The following SLIT3 variants were observed in gnomAD, a reference collection of about 807,000 sequenced individuals.
SLIT3 encodes slit homolog 3 protein.
SLIT3 carries 68 observed loss-of-function variants against 184.0 expected under a neutral mutation model. The observed-to-expected ratio is 0.37, with a 90% confidence interval of 0.30 to 0.45. SLIT3 has a LOEUF of 0.45. Among genes scored for constraint, SLIT3 ranks in the 20% least tolerant of loss-of-function variants. The probability of loss-of-function intolerance (pLI) is 1.00; values close to 1 mark genes in which losing one functional copy is unlikely to be tolerated. For synonymous variants in SLIT3, 831 were observed against 828.6 expected, an observed-to-expected ratio of 1.00 and a Z score of -0.05; for missense variants, 1,707 against 2,026.0, an observed-to-expected ratio of 0.84 and a Z score of 3.02.
At chr5:168,707,658 C>T (rs1314035070) in intron 26 of SLIT3, 1 of 251,050 alleles carries the variant, frequency 4.0e-6, no homozygotes, top group African/African-American at 2.2e-5. Flanking sequence ...TCAAGGGATG[C>T]CTCTACTTGG....
intron 4 of SLIT3, among the ~76,000 whole-genome samples, chr5:169,089,685 T>C (rs920634752): frequency 6.6e-6 from 1 of 152,170 alleles, no homozygotes; most frequent in Non-Finnish European, 1.5e-5. Flanking sequence ...CTTCTCCTCC[T>C]CAGGGAGCCC....
chr5:169,218,146 CTGTTTG>C (rs1764509171), intron 3 of SLIT3, among the ~76,000 whole-genome samples: 1 of 152,208 alleles, frequency 6.6e-6, no homozygotes, highest in South Asian at 2.1e-4. Context: ...CTACCAAGGA[CTGTTTG>C]TACCAGCTGC....
chr5:168,777,080 CA>C (rs1755780601), intron 12 of SLIT3, among the ~76,000 whole-genome samples: 2 of 48,088 alleles, frequency 4.2e-5, no homozygotes, highest in East Asian at 2.0e-3. Context: ...CACACACACA[CA>C]CACACACACA....
intron 4 of SLIT3, among the ~76,000 whole-genome samples, chr5:168,888,027 A>G (rs1197547822): frequency 6.6e-6 from 1 of 152,212 alleles, no homozygotes; most frequent in Non-Finnish European, 1.5e-5. Flanking sequence ...TGGATAAAAC[A>G]AGAGAGCTGG....
In SLIT3 at chr5:169,175,753, C is replaced by A. The variant is rs375499451; in HGVS notation, c.413+17726G>T. 2.6e-5 allele frequency among the ~76,000 whole-genome samples: 4 copies of A among 152,202 alleles called. No homozygotes were observed. In the South Asian group the frequency reaches 8.3e-4, roughly 31 times the overall value. On this transcript the variant is annotated intron_variant, in intron 4 of 35. Transcript: ENST00000519560. ...CAGACAAGCTGGTAATATCTGCAGG[C>A]CTTTCCTACACACCACCTTTCTTTC...
At chr5:168,831,303 G>A (rs1487523276) in intron 6 of SLIT3, among the ~76,000 whole-genome samples, 1 of 151,726 alleles carries the variant, frequency 6.6e-6, no homozygotes, top group Non-Finnish European at 1.5e-5. Context: ...AGAGAGATTG[G>A]TGGGGGTGGG....
At chr5:169,072,844 C>T (rs372679062) in intron 4 of SLIT3, among the ~76,000 whole-genome samples, 10 of 152,164 alleles carry the variant, frequency 6.6e-5, no homozygotes, top group African/African-American at 2.4e-4. Context: ...TCTCAGTCTC[C>T]AACACCTTCC....
At chr5:169,126,780 G>A (rs1761096237) in intron 4 of SLIT3, among the ~76,000 whole-genome samples, 1 of 152,242 alleles carries the variant, frequency 6.6e-6, no homozygotes, top group Non-Finnish European at 1.5e-5. Context: ...GAGCCCAGAG[G>A]TGACAGGAGG....
chr5:168,919,644 T>A (rs553810456), intron 4 of SLIT3, among the ~76,000 whole-genome samples: 91 of 151,578 alleles, frequency 6.0e-4, no homozygotes, highest in South Asian at 2.5e-3. Flanking sequence ...GTAATTTTTT[T>A]AAAAAAAAAA....
intron 4 of SLIT3, among the ~76,000 whole-genome samples, chr5:168,904,260 C>G (rs1028107580): frequency 5.9e-5 from 9 of 152,100 alleles, no homozygotes; most frequent in Non-Finnish European, 1.3e-4. Context: ...AAAAATAAAC[C>G]TTTGTTTCCC....
intron 4 of SLIT3, among the ~76,000 whole-genome samples, chr5:169,183,563 T>C (rs900713478): frequency 6.6e-6 from 1 of 152,198 alleles, no homozygotes; most frequent in African/African-American, 2.4e-5. Context: ...ATGGCTTTTC[T>C]CACTCTGGTC....
At chr5:168,851,322 CA>C (rs531233116) in intron 5 of SLIT3, among the ~76,000 whole-genome samples, 1,900 of 77,162 alleles carry the variant, frequency 0.025, 10 homozygotes, top group African/African-American at 0.035. Flanking sequence ...GACTCCGTCT[CA>C]AAAAAAAAAA....
intron 29 of SLIT3, among the ~76,000 whole-genome samples, chr5:168,687,337 G>A (rs762361316): frequency 1.3e-5 from 2 of 152,222 alleles, no homozygotes; most frequent in African/African-American, 2.4e-5. Context: ...GCCAGGGTGA[G>A]GAACACAGGG....
chr5:168,964,414 C>T (rs566162717), intron 4 of SLIT3, among the ~76,000 whole-genome samples: 28 of 152,286 alleles, frequency 1.8e-4, no homozygotes, highest in Admixed American at 1.7e-3. Context: ...TATTTACATG[C>T]ACTTCAAGAA....
At chr5:169,253,767 G>A (rs1197888016) in intron 1 of SLIT3, among the ~76,000 whole-genome samples, 1 of 152,148 alleles carries the variant, frequency 6.6e-6, no homozygotes, top group Non-Finnish European at 1.5e-5. Context: ...TGTGCCCACG[G>A]ATGAATCCTG....
intron 28 of SLIT3, among the ~76,000 whole-genome samples, chr5:168,695,955 G>A (rs926943999): frequency 1.3e-5 from 2 of 152,190 alleles, no homozygotes; most frequent in African/African-American, 4.8e-5. Context: ...CCTGAAGGAA[G>A]CATAAACACA....
In SLIT3 at chr5:168,708,049, G is replaced by T; in HGVS notation, c.2771C>A (p.Pro924Gln). 1 of 1,614,146 alleles carries T rather than the reference G, an allele frequency of 6.2e-7. No homozygotes were observed. Among genetic ancestry groups the T allele is most frequent in the Non-Finnish European group, 8.5e-7 (1 of 1,180,004 alleles). ...GGTGCATGTCCCGTTATTCTTGCACGGGCTGGAGAGGCAGGCATTGCATTT... is the reference window on the plus strand; with the variant it reads ...GGTGCATGTCCCGTTATTCTTGCACTGGCTGGAGAGGCAGGCATTGCATTT... ...VAKCNACLSS[P>Q]CKNNGTCTQD... The change falls in exon 26 of 36, where the codon CCG (proline) becomes CAG (glutamine). Residue 924 changes from proline (P) to glutamine (Q), a missense_variant. Physicochemically the swap from Pro to Gln is moderately conservative, Grantham distance 76 (BLOSUM62 -1). Transcript: ENST00000519560.
intron 1 of SLIT3, chr5:169,263,636 C>T (rs890116781): frequency 1.2e-5 from 6 of 497,000 alleles, no homozygotes; most frequent in East Asian, 6.9e-5. Flanking sequence ...ATACGCCCAA[C>T]GTTCAGGCTT....
intron 4 of SLIT3, among the ~76,000 whole-genome samples, chr5:169,002,252 G>A (rs1360431822): frequency 2.7e-5 from 4 of 145,730 alleles, no homozygotes; most frequent in African/African-American, 7.7e-5. Flanking sequence ...GAACTGGGAG[G>A]TGGAGGTTGC....
Sources: allele counts gnomAD v4.1 joint callset (sites outside exome capture counted in the v4.1 genomes callset), GRCh38; gene constraint gnomAD v4.1.1; transcripts MANE v1.5; gene names NCBI Gene and HGNC (gene_info 2026-07-23, HGNC 2026-07-21).